F8: variants seen among roughly 807,000 people sequenced by gnomAD.
F8 encodes the protein antihemophilic factor.
Under a neutral mutation model 140.6 loss-of-function variants are expected in F8, and 12 were observed. The observed-to-expected ratio is 0.09, with a 90% CI of 0.05 to 0.14. The LOEUF (loss-of-function observed/expected upper bound fraction) is 0.14, where lower values mean the gene tolerates loss of function less well. F8 is among the 10% of genes least tolerant of loss of function. The pLI is 1.00. For missense variants in F8, 1,354 were observed against 1,720.7 expected (o/e 0.79, Z 3.77); for synonymous variants, 585 against 614.6 (o/e 0.95, Z 0.71).
rs1469419963 is a variant in F8 at position 154,930,869 on chromosome X, C to T, written c.2921G>A (p.Ser974Asn). Residue 974 changes from serine (S) to asparagine (N), a missense_variant, in exon 14 of 26, where the codon AGC becomes AAC. Around this residue, in one of 4 missense-constraint regions of F8, gnomAD observed 658 missense variants for 666.5 expected, o/e 0.99. Transcript: ENST00000360256. ...SKLLESGLMN[S>N]QESSWGKNVS... ...ATTTTTTCCCCATGAACTTTCTTGGCTATTCATTAAACCTGATTCTAACAA... is the reference window on the plus strand; with the variant it reads ...ATTTTTTCCCCATGAACTTTCTTGGTTATTCATTAAACCTGATTCTAACAA... 5.0e-6 allele frequency: 6 copies of T among 1,204,815 alleles called. No homozygotes were observed. The highest frequency in any genetic ancestry group is 6.7e-6 in the Non-Finnish European group (6 of 893,083).
chrX:154,937,852 T>C (rs1205579430), intron 13 of F8, among the ~76,000 whole-genome samples: 1 of 111,741 alleles, frequency 8.9e-6, no homozygotes, highest in African/African-American at 3.2e-5. Context: ...CTCCCCCAAA[T>C]TGATCTGCAG....
intron 1 of F8, among the ~76,000 whole-genome samples, chrX:155,008,683 T>C (rs2073689745): frequency 1.8e-5 from 2 of 110,511 alleles, no homozygotes; most frequent in Admixed American, 9.5e-5. Context: ...GAATGTTGCC[T>C]GTGGGGGCCA....
chrX:154,871,339 C>A (rs782032130), intron 22 of F8, among the ~76,000 whole-genome samples: 2 of 111,705 alleles, frequency 1.8e-5, no homozygotes, highest in African/African-American at 3.3e-5. Flanking sequence ...GGTACTGGGG[C>A]CAAACAGATA....
At chrX:154,998,306 G>A in intron 2 of F8, among the ~76,000 whole-genome samples, 2 of 113,064 alleles carry the variant, frequency 1.8e-5, no homozygotes, top group Non-Finnish European at 3.7e-5. Context: ...TGGCAGCTTC[G>A]CTGCTTTCCC....
chrX:154,943,736 G>C (rs1258732307), intron 13 of F8, among the ~76,000 whole-genome samples: 1 of 111,669 alleles, frequency 9.0e-6, no homozygotes, highest in Non-Finnish European at 1.9e-5. Context: ...AATGAACAAA[G>C]CTGGAGGCAT....
chrX:154,909,413 T>C (rs1255507816), intron 14 of F8: 1 of 116,947 alleles, frequency 8.6e-6, no homozygotes, highest in African/African-American at 3.2e-5. Context: ...CCAAGGCATG[T>C]TAGCAAGTTG....
intron 18 of F8, among the ~76,000 whole-genome samples, chrX:154,903,004 T>C (rs5987055): frequency 0.012 from 1,394 of 112,078 alleles, 24 homozygotes; most frequent in African/African-American, 0.043. Flanking sequence ...AAATCAAGTT[T>C]ACAATTTTGA....
intron 22 of F8, among the ~76,000 whole-genome samples, chrX:154,874,940 A>G (rs1243468876): frequency 1.8e-5 from 2 of 112,389 alleles, no homozygotes; most frequent in Non-Finnish European, 3.8e-5. Flanking sequence ...AGATATGGAA[A>G]CAACCTAAGT....
chrX:154,966,849 C>A lies in F8; in HGVS notation c.1010-162G>T, dbSNP rs1398587460. Among the ~76,000 whole-genome samples, 4 of 108,857 alleles carry A rather than the reference C, an allele frequency of 3.7e-5. No homozygotes were observed. The Admixed American group carries it at 4.0e-4, about 11-fold the overall frequency. The allele number at this position is 108,857 out of a possible 115,157, so 94.5% of individuals were successfully genotyped here. On this transcript the variant is annotated intron_variant, in intron 7 of 25. Coordinates refer to ENST00000360256, the MANE Select transcript of F8 (RefSeq NM_000132.4). The stretch of plus-strand genomic sequence containing the variant: ...GGCATCTGCTTGGCTTCAGGGAGGT[C>A]TCAGGAAGCTTACAATCATGGGGGT...
At position 154,999,735 on chromosome X, in the gene F8, C is replaced by T. The variant is rs2073637229; in HGVS notation, c.144-135G>A. 5 of 724,031 alleles carry T rather than the reference C, an allele frequency of 6.9e-6. 1 individual carries two copies. In the Admixed American group the frequency reaches 1.2e-4, roughly 18 times the overall value. The allele number at this position is 724,031 out of a possible 1,213,427, so 59.7% of individuals were successfully genotyped here. On this transcript the variant is annotated intron_variant, in intron 1 of 25. Coordinates refer to ENST00000360256, the MANE Select transcript of F8 (RefSeq NM_000132.4). The stretch of plus-strand genomic sequence containing the variant: ...AAGTTGTATATAAATCCCTAACATC[C>T]ATTAAACCGAAACACTGTTTTCACA...
Position 154,984,767 on chromosome X carries a change from A to C in F8, c.707T>G (p.Met236Arg). ...SWHSETKNSL[M>R]QDRDAASARA... The stretch of plus-strand genomic sequence containing the variant: ...AGCAGATGCAGCATCCCTATCCTGC[A>C]TCAAGGAGTTCTTTGTTTCTGAGTG... Residue 236 changes from methionine (M) to arginine (R), a missense_variant, in exon 6 of 26, where the codon ATG becomes AGG. This residue lies in a region of F8 where 128 missense variants were observed against 230.4 expected (regional missense o/e 0.56). Coordinates refer to ENST00000360256, the MANE Select transcript of F8 (RefSeq NM_000132.4). The C allele has an allele frequency of 8.3e-7, 1 of 1,211,376 alleles. No individual in the cohort carries two copies. The highest frequency in any genetic ancestry group is 1.1e-6 in the Non-Finnish European group (1 of 895,102).
At chrX:154,856,570 T>A (rs782612412) in intron 25 of F8, among the ~76,000 whole-genome samples, 1 of 111,951 alleles carries the variant, frequency 8.9e-6, no homozygotes, top group Non-Finnish European at 1.9e-5. Context: ...AGTGGAAAAG[T>A]TCTAGGTCAA....
intron 14 of F8, among the ~76,000 whole-genome samples, chrX:154,910,871 G>A (rs1026939820): frequency 5.4e-5 from 6 of 110,669 alleles, no homozygotes; most frequent in Non-Finnish European, 9.5e-5. Context: ...TGTAAAACCC[G>A]ATTGTATGTT....
intron 6 of F8, among the ~76,000 whole-genome samples, chrX:154,979,343 C>T (rs1442387130): frequency 3.6e-5 from 4 of 110,536 alleles, no homozygotes; most frequent in Non-Finnish European, 7.6e-5. Flanking sequence ...CAGGTGCCAC[C>T]AGTGGTGGAC....
At chrX:154,843,126 G>T (rs1307355299) in intron 25 of F8, among the ~76,000 whole-genome samples, 1 of 111,848 alleles carries the variant, frequency 8.9e-6, no homozygotes, top group Admixed American at 9.5e-5. Flanking sequence ...GACATGAACA[G>T]ATCCTTTTTA....
At chrX:154,963,155 C>G (rs1422132921) in intron 9 of F8, among the ~76,000 whole-genome samples, 2 of 111,384 alleles carry the variant, frequency 1.8e-5, no homozygotes, top group Non-Finnish European at 3.8e-5. Context: ...TCCTTCATAT[C>G]CCTTGTAAGT....
At chrX:154,967,502 A>T (rs2073431996) in intron 7 of F8, among the ~76,000 whole-genome samples, 1 of 111,995 alleles carries the variant, frequency 8.9e-6, no homozygotes, top group Admixed American at 9.5e-5. Context: ...GGAACAGGGA[A>T]GGTTTTAGGA....
At chrX:154,965,843 G>A in intron 9 of F8, 127 bp downstream of exon 9, 1 of 642,790 alleles carries the variant, frequency 1.6e-6, no homozygotes, top group Non-Finnish European at 2.4e-6. Context: ...TATTATTTGT[G>A]TAACATTTAT....
intron 4 of F8, among the ~76,000 whole-genome samples, chrX:154,988,918 G>T (rs912828962): frequency 3.6e-5 from 4 of 111,792 alleles, no homozygotes; most frequent in African/African-American, 1.3e-4. Context: ...TGACTCCTTG[G>T]CTACCGCAGC....
Sources: allele counts gnomAD v4.1 joint callset (sites outside exome capture counted in the v4.1 genomes callset), GRCh38; gene constraint gnomAD v4.1.1; regional missense constraint gnomAD v4.1.1; transcripts MANE v1.5; gene names NCBI Gene and HGNC (gene_info 2026-07-23, HGNC 2026-07-21).